The following LYPLAL1 variants were observed in gnomAD, a reference collection of about 807,000 sequenced individuals.
The protein encoded by LYPLAL1 is lysophospholipase-like protein 1.
Under a neutral mutation model 19.7 loss-of-function variants are expected in LYPLAL1, and 23 were observed. That is an observed-to-expected ratio of 1.17 (90% CI 0.84 to 1.65). The LOEUF is 1.65. Ranked by LOEUF, LYPLAL1 falls within the 40% of genes most tolerant of loss-of-function variation. The pLI, the probability that LYPLAL1 is intolerant of heterozygous loss-of-function variation, is 0.00. For missense variants in LYPLAL1, 355 were observed against 279.4 expected (o/e 1.27, Z -1.93); for synonymous variants, 119 against 96.3 (o/e 1.24, Z -1.38).
chr1:219,285,466 G>A, the LYPLAL1 span, among the ~76,000 whole-genome samples: 21 of 152,248 alleles, frequency 1.4e-4, no homozygotes, highest in East Asian at 2.5e-3. Context: ...GCCAAAGGTC[G>A]AAACAGCCCA....
chr1:219,183,681 G>A (rs1238319756), intron 2 of LYPLAL1, among the ~76,000 whole-genome samples: 1 of 151,906 alleles, frequency 6.6e-6, no homozygotes, highest in African/African-American at 2.4e-5. Context: ...GTCACTTAAT[G>A]AGTGACTTAA....
chr1:219,215,418 T>C (rs1659257413), downstream of LYPLAL1, among the ~76,000 whole-genome samples: 1 of 152,136 alleles, frequency 6.6e-6, no homozygotes, highest in African/African-American at 2.4e-5. Context: ...TTTGACCAAC[T>C]TGATTATTGT....
At position 219,211,286 on chromosome 1, in the gene LYPLAL1, T is replaced by C. The variant is rs568254732; in HGVS notation, c.478-206T>C. ...TAGAATAAATGTAAGTGACACACAG[T>C]TACAAATTGAGTGATGCCAGGAACC... is the stretch of plus-strand genomic sequence containing the variant. On this transcript the variant is annotated intron_variant, in intron 4 of 4. Coordinates refer to ENST00000366928, the MANE Select transcript of LYPLAL1 (RefSeq NM_138794.5). Among the ~76,000 whole-genome samples the C allele has an allele frequency of 4.6e-5, 7 of 152,206 alleles. No homozygotes were observed. The East Asian group carries it at 1.4e-3, about 29-fold the overall frequency.
At chr1:219,246,731 A>G in the LYPLAL1 span, among the ~76,000 whole-genome samples, 28 of 152,260 alleles carry the variant, frequency 1.8e-4, 1 homozygote, top group South Asian at 1.4e-3. Context: ...GGACTACAGC[A>G]CATGCCACCA....
chr1:219,279,425 C>T, the LYPLAL1 span, among the ~76,000 whole-genome samples: 1 of 152,174 alleles, frequency 6.6e-6, no homozygotes. Context: ...AATAATGTTG[C>T]TTTGACGTGA....
At chr1:219,354,764 G>T in the LYPLAL1 span, among the ~76,000 whole-genome samples, 1 of 151,900 alleles carries the variant, frequency 6.6e-6, no homozygotes, top group Non-Finnish European at 1.5e-5. Context: ...AGTTGTTAAA[G>T]GATAGTTTTC....
At chr1:219,417,780 C>T in the LYPLAL1 span, among the ~76,000 whole-genome samples, 6 of 152,218 alleles carry the variant, frequency 3.9e-5, no homozygotes, top group African/African-American at 7.2e-5. Flanking sequence ...GAATCTCTGC[C>T]AAGGAATCAT....
the LYPLAL1 span, among the ~76,000 whole-genome samples, chr1:219,241,064 C>A: frequency 7.2e-6 from 1 of 139,824 alleles, no homozygotes; most frequent in Non-Finnish European, 1.5e-5. Flanking sequence ...ATATCTATAT[C>A]TATCTATATT....
At chr1:219,414,354 G>T in the LYPLAL1 span, among the ~76,000 whole-genome samples, 1 of 152,296 alleles carries the variant, frequency 6.6e-6, no homozygotes, top group East Asian at 1.9e-4. Flanking sequence ...ATGAGTTTGA[G>T]AGTTACAATA....
chr1:219,263,346 C>A, the LYPLAL1 span, among the ~76,000 whole-genome samples: 1 of 152,106 alleles, frequency 6.6e-6, no homozygotes, highest in East Asian at 1.9e-4. Context: ...TCTGCTGTGC[C>A]CCACCAATAG....
At chr1:219,421,396 G>T in the LYPLAL1 span, among the ~76,000 whole-genome samples, 1 of 152,168 alleles carries the variant, frequency 6.6e-6, no homozygotes, top group Non-Finnish European at 1.5e-5. Flanking sequence ...ACCCTGGAGG[G>T]TCAGCCGAAG....
chr1:219,243,382 A>G, the LYPLAL1 span, among the ~76,000 whole-genome samples: 1 of 152,208 alleles, frequency 6.6e-6, no homozygotes. Flanking sequence ...AAGGATTAGA[A>G]GCTTTGAGTC....
At chr1:219,216,646 CAT>C (rs1659300250), downstream of LYPLAL1, among the ~76,000 whole-genome samples, 1 of 152,132 alleles carries the variant, frequency 6.6e-6, no homozygotes, top group South Asian at 2.1e-4. Context: ...TTTCCTCACA[CAT>C]ATCTGATGAC....
chr1:219,288,382 A>G, the LYPLAL1 span, among the ~76,000 whole-genome samples: 1 of 152,160 alleles, frequency 6.6e-6, no homozygotes, highest in Admixed American at 6.5e-5. Context: ...AGGCCATATG[A>G]TGTACTCCAA....
chr1:219,250,169 A>G, the LYPLAL1 span, among the ~76,000 whole-genome samples: 1 of 152,062 alleles, frequency 6.6e-6, no homozygotes, highest in Non-Finnish European at 1.5e-5. Context: ...CTTTAGATCT[A>G]TATTCTATAT....
chr1:219,306,577 C>T, the LYPLAL1 span, among the ~76,000 whole-genome samples: 1 of 152,020 alleles, frequency 6.6e-6, no homozygotes, highest in Non-Finnish European at 1.5e-5. Flanking sequence ...AAGGAAAGCA[C>T]TGGCTCTTCC....
At chr1:219,375,358 C>A in the LYPLAL1 span, among the ~76,000 whole-genome samples, 1 of 151,880 alleles carries the variant, frequency 6.6e-6, no homozygotes, top group African/African-American at 2.4e-5. Flanking sequence ...CCCAGCTACT[C>A]AGGAGGCTGA....
chr1:219,302,185 C>T, the LYPLAL1 span, among the ~76,000 whole-genome samples: 1 of 152,182 alleles, frequency 6.6e-6, no homozygotes, highest in Non-Finnish European at 1.5e-5. Context: ...TTTCTTTCTA[C>T]TTCATTTGTA....
chr1:219,220,302 A>C, the LYPLAL1 span, among the ~76,000 whole-genome samples: 7 of 152,190 alleles, frequency 4.6e-5, no homozygotes, highest in African/African-American at 4.8e-5. Flanking sequence ...TTGTCAGTGC[A>C]ACAAGTAAAT....
Sources: allele counts gnomAD v4.1 joint callset (sites outside exome capture counted in the v4.1 genomes callset), GRCh38; gene constraint gnomAD v4.1.1; transcripts MANE v1.5; gene names NCBI Gene and HGNC (gene_info 2026-07-23, HGNC 2026-07-21).